Variants in NTN1 observed in about 807,000 individuals in gnomAD.
NTN1 encodes netrin-1.
A neutral mutation model predicts 54.2 loss-of-function variants in NTN1; 11 were observed. That is an observed-to-expected ratio of 0.20 (90% confidence interval 0.13 to 0.34). NTN1 has a LOEUF of 0.34. Ranked by LOEUF, NTN1 falls within the 10% of genes least tolerant of loss-of-function variation. The pLI, the probability that NTN1 is intolerant of heterozygous loss-of-function variation, is 1.00. For synonymous variants in NTN1, 371 were observed against 382.0 expected (o/e 0.97, Z 0.33); for missense variants, 740 against 893.1 (o/e 0.83, Z 2.18).
chr17:9,087,791 G>A (rs1049812543), intron 2 of NTN1, among the ~76,000 whole-genome samples: 2 of 151,232 alleles, frequency 1.3e-5, no homozygotes, highest in Non-Finnish European at 2.9e-5. Flanking sequence ...TTTCACGAAC[G>A]GCTTTCACAT....
chr17:9,023,404 C>G lies in NTN1; in HGVS notation c.1018+13C>G. ...AACGAGTGCGTGGGTGAGTGGGGTG[C>G]GGCGGCGGAGCCGGCGGCGGGTGGG... is the stretch of plus-strand genomic sequence containing the variant. On this transcript the variant is annotated intron_variant, in intron 2 of 6. Coordinates refer to ENST00000173229, the MANE Select transcript of NTN1 (RefSeq NM_004822.3). 2 of 1,355,478 alleles carry G rather than the reference C, an allele frequency of 1.5e-6. No homozygotes were observed. The highest frequency in any genetic ancestry group is 1.9e-6 in the Non-Finnish European group (2 of 1,059,856). 84.0% of individuals were successfully genotyped at this position (1,355,478 alleles called of 1,614,324 possible). A position where few individuals can be genotyped will look rare whatever the true frequency, so the allele number is the denominator to read the frequency against.
intron 2 of NTN1, among the ~76,000 whole-genome samples, chr17:9,129,231 G>A (rs773886084): frequency 2.6e-5 from 4 of 152,126 alleles, no homozygotes; most frequent in Admixed American, 6.5e-5. Flanking sequence ...GCCATTCAGG[G>A]AATTGCTCTT....
chr17:9,127,077 G>GGT (rs535250630), intron 2 of NTN1, among the ~76,000 whole-genome samples: 4 of 145,912 alleles, frequency 2.7e-5, no homozygotes, highest in African/African-American at 1.0e-4. Flanking sequence ...GGGCCGGGGG[G>GGT]GGGCAGGACA....
chr17:9,051,197 G>T (rs1037000889), intron 2 of NTN1, among the ~76,000 whole-genome samples: 3 of 152,198 alleles, frequency 2.0e-5, no homozygotes, highest in African/African-American at 7.2e-5. Flanking sequence ...AACAAAAAGG[G>T]TTTGCAGACA....
At chr17:9,163,131 C>G in intron 3 of NTN1, 130 bp downstream of exon 3, 1 of 779,932 alleles carries the variant, frequency 1.3e-6, no homozygotes, top group Non-Finnish European at 2.0e-6. Context: ...TCATCTCTCT[C>G]TCTTTCTCTC....
intron 2 of NTN1, among the ~76,000 whole-genome samples, chr17:9,028,117 T>C (rs1301055209): frequency 6.6e-6 from 1 of 151,812 alleles, no homozygotes; most frequent in East Asian, 1.9e-4. Flanking sequence ...AGAGTGAGAC[T>C]CTGTCTCCAA....
chr17:9,082,995 A>G (rs971844879), intron 2 of NTN1, among the ~76,000 whole-genome samples: 48 of 152,118 alleles, frequency 3.2e-4, no homozygotes, highest in African/African-American at 1.1e-3. Context: ...TCTAGTGTCT[A>G]GAGACAGGAG....
intron 2 of NTN1, among the ~76,000 whole-genome samples, chr17:9,051,110 C>A (rs190772022): frequency 6.6e-6 from 1 of 152,204 alleles, no homozygotes; most frequent in African/African-American, 2.4e-5. Context: ...CCCTGGGGAC[C>A]CTCGGGAAGG....
intron 2 of NTN1, among the ~76,000 whole-genome samples, chr17:9,061,703 T>C (rs1233972282): frequency 6.6e-6 from 1 of 151,906 alleles, no homozygotes; most frequent in Admixed American, 6.6e-5. Flanking sequence ...TGTTTTATTT[T>C]GTTTTGTTTT....
At chr17:9,229,935 C>T (rs1012331534) in intron 6 of NTN1, among the ~76,000 whole-genome samples, 1 of 151,948 alleles carries the variant, frequency 6.6e-6, no homozygotes, top group African/African-American at 2.4e-5. Context: ...GGATCCCGGT[C>T]CTGGCTCAGC....
intron 5 of NTN1, among the ~76,000 whole-genome samples, chr17:9,196,898 CCTG>C (rs1008780248): frequency 1.5e-4 from 23 of 152,186 alleles, no homozygotes; most frequent in African/African-American, 5.6e-4. Context: ...CCTGTTCACA[CCTG>C]CTCCCACTGG....
intron 5 of NTN1, among the ~76,000 whole-genome samples, chr17:9,193,938 A>AAAAAAAAAAAAAAAAAAAAAAAAAAC (rs796452392): frequency 5.5e-5 from 6 of 108,306 alleles, no homozygotes; most frequent in South Asian, 3.7e-4. Flanking sequence ...AAAAAAAAAA[A>AAAAAAAAAAAAAAAAAAAAAAAAAAC]AAAAAACATT....
intron 6 of NTN1, among the ~76,000 whole-genome samples, chr17:9,236,961 G>T (rs902259095): frequency 6.6e-6 from 1 of 152,096 alleles, no homozygotes; most frequent in African/African-American, 2.4e-5. Context: ...CCCCCTGGGA[G>T]GCCTCTGCAG....
In NTN1 at chr17:9,022,403, G is replaced by C. The variant is rs2091853107; in HGVS notation, c.30G>C (p.Ala10=). 11 of 1,335,688 alleles carry C rather than the reference G, an allele frequency of 8.2e-6. No homozygotes were observed. The South Asian group carries it at 2.4e-4, about 29-fold the overall frequency. 82.7% of individuals were successfully genotyped at this position (1,335,688 alleles called of 1,614,324 possible). MMRAVWEAL[A]ALAAVACLVG... ...TGCGCGCAGTGTGGGAGGCGCTGGC[G>C]GCGCTGGCGGCGGTGGCGTGCCTGG... Residue 10 remains alanine (A), a synonymous_variant, in exon 2 of 7, where the codon GCG becomes GCC. Coordinates refer to ENST00000173229, the MANE Select transcript of NTN1 (RefSeq NM_004822.3).
chr17:9,114,160 AAAAAAAATAT>A (rs2092202211), intron 2 of NTN1, among the ~76,000 whole-genome samples: 2 of 94,390 alleles, frequency 2.1e-5, no homozygotes, highest in Non-Finnish European at 4.4e-5. Context: ...AAAGAAAAAA[AAAAAAAATAT>A]ATATATATAT....
intron 5 of NTN1, among the ~76,000 whole-genome samples, chr17:9,195,849 C>A (rs1904620002): frequency 6.6e-6 from 1 of 152,186 alleles, no homozygotes; most frequent in Non-Finnish European, 1.5e-5. Flanking sequence ...ACTTAAATAC[C>A]CTGCCAGATC....
chr17:9,111,095 G>C (rs7213061), intron 2 of NTN1, among the ~76,000 whole-genome samples: 77,727 of 151,770 alleles, frequency 0.51, 20,594 homozygotes, highest in East Asian at 0.94. Context: ...ACGCCACCAC[G>C]CCTGGCTAAT....
At chr17:9,154,973 C>T (rs1320712930) in intron 2 of NTN1, among the ~76,000 whole-genome samples, 1 of 152,080 alleles carries the variant, frequency 6.6e-6, no homozygotes. Flanking sequence ...TTCCATCCCT[C>T]CCCATCAGAG....
rs188269956 is a variant in NTN1 at position 9,202,869 on chromosome 17, G to A, written c.1412-18299G>A. 1.9e-3 allele frequency among the ~76,000 whole-genome samples: 288 copies of A among 152,022 alleles called. 1 individual carries two copies. The highest frequency in any genetic ancestry group is 6.2e-3 in the African/African-American group (256 of 41,492). Reference sequence around the variant, plus strand: ...TTGCCTCTGTTCAAAATGATATTGCGATATTCTGCGTCTGTGTTTCATGGT... The same window carrying A: ...TTGCCTCTGTTCAAAATGATATTGCAATATTCTGCGTCTGTGTTTCATGGT... On this transcript the variant is annotated intron_variant, in intron 5 of 6. Transcript: ENST00000173229.
Sources: allele counts gnomAD v4.1 joint callset (sites outside exome capture counted in the v4.1 genomes callset), GRCh38; gene constraint gnomAD v4.1.1; transcripts MANE v1.5; gene names NCBI Gene and HGNC (gene_info 2026-07-23, HGNC 2026-07-21).